The following FRMD4B variants were observed in gnomAD, a reference collection of about 807,000 sequenced individuals.
The protein encoded by FRMD4B is FERM domain-containing protein 4B.
FRMD4B carries 74 observed loss-of-function variants against 141.5 expected under a neutral mutation model. The ratio of observed to expected loss-of-function variants is 0.52; its 90% CI spans 0.43 to 0.63. FRMD4B has a LOEUF of 0.63. FRMD4B is among the 30% of genes least tolerant of loss of function. The pLI is 0.00. For missense variants in FRMD4B, 1,366 were observed against 1,253.4 expected, an observed-to-expected ratio of 1.09 and a Z score of -1.36; for synonymous variants, 506 against 467.9, an observed-to-expected ratio of 1.08 and a Z score of -1.05.
intron 1 of FRMD4B, among the ~76,000 whole-genome samples, chr3:69,497,281 G>A (rs1271639092): frequency 6.6e-6 from 1 of 152,164 alleles, no homozygotes; most frequent in East Asian, 1.9e-4. Context: ...ATATTTGGGG[G>A]TAGTTGTTAC....
chr3:69,364,187 C>T (rs1343122471), intron 1 of FRMD4B, among the ~76,000 whole-genome samples: 1 of 152,216 alleles, frequency 6.6e-6, no homozygotes, highest in Non-Finnish European at 1.5e-5. Flanking sequence ...AGTTATGTCA[C>T]GCGACTATCT....
chr3:69,233,615 C>T (rs1193287582), intron 7 of FRMD4B, among the ~76,000 whole-genome samples: 2 of 152,112 alleles, frequency 1.3e-5, no homozygotes, highest in Middle Eastern at 3.4e-3. Flanking sequence ...CCTATTTGAA[C>T]ACTCAGTAAA....
At chr3:69,403,310 T>C (rs115467242) in intron 2 of FRMD4B, among the ~76,000 whole-genome samples, 2 of 152,232 alleles carry the variant, frequency 1.3e-5, no homozygotes, top group African/African-American at 4.8e-5. Flanking sequence ...GCCATGTTAA[T>C]GTTCTCAACA....
At chr3:69,416,400 C>T (rs1704861465) in intron 2 of FRMD4B, among the ~76,000 whole-genome samples, 1 of 152,156 alleles carries the variant, frequency 6.6e-6, no homozygotes, top group African/African-American at 2.4e-5. Flanking sequence ...CTCACTTTGG[C>T]CTCCAAAGTA....
In FRMD4B at chr3:69,182,644, T is replaced by G. The variant is rs1285426178; in HGVS notation, c.1993A>C (p.Thr665Pro). The G allele has an allele frequency of 6.2e-7, 1 of 1,613,818 alleles. No individual in the cohort carries two copies. Among genetic ancestry groups the G allele is most frequent in the South Asian group, 1.1e-5 (1 of 91,064 alleles). Residue 665 changes from threonine (T) to proline (P), a missense_variant, in exon 20 of 23, where the codon ACC becomes CCC. Thr to Pro is a conservative substitution (Grantham distance 38). Coordinates refer to ENST00000398540, the MANE Select transcript of FRMD4B (RefSeq NM_015123.3). ...RRPQGGRSMPTTPVLTRNAYS... is the reference protein window; with the variant it reads ...RRPQGGRSMPPTPVLTRNAYS... ...GCGTTTCGGGTAAGAACTGGCGTGGTGGGCATGCTTCGTCCTCCCTGGGGC... is the reference window on the plus strand; with the variant it reads ...GCGTTTCGGGTAAGAACTGGCGTGGGGGGCATGCTTCGTCCTCCCTGGGGC...
intron 9 of FRMD4B, among the ~76,000 whole-genome samples, chr3:69,218,782 G>C (rs932651975): frequency 6.6e-6 from 1 of 152,142 alleles, no homozygotes; most frequent in Admixed American, 6.6e-5. Context: ...TGTGGTAGAG[G>C]TTAAATAACT....
At chr3:69,408,406 G>T (rs543097447) in intron 2 of FRMD4B, among the ~76,000 whole-genome samples, 1 of 152,194 alleles carries the variant, frequency 6.6e-6, no homozygotes, top group Non-Finnish European at 1.5e-5. Context: ...GCATCATCTT[G>T]CTAGTCTGAA....
At chr3:69,517,301 C>G (rs1239402925) in intron 1 of FRMD4B, among the ~76,000 whole-genome samples, 1 of 152,098 alleles carries the variant, frequency 6.6e-6, no homozygotes, top group Non-Finnish European at 1.5e-5. Context: ...TCCCTTCATT[C>G]CACTTTTTCC....
intron 1 of FRMD4B, among the ~76,000 whole-genome samples, chr3:69,453,228 C>G (rs1450916716): frequency 6.6e-6 from 1 of 152,202 alleles, no homozygotes; most frequent in African/African-American, 2.4e-5. Context: ...AAAGCTGTAT[C>G]TATGTACAGT....
chr3:69,182,642 G>A lies in FRMD4B; in HGVS notation c.1995C>T (p.Thr665=), dbSNP rs1485757653. 6.2e-7 allele frequency: 1 copy of A among 1,613,740 alleles called. No individual in the cohort carries two copies. Among genetic ancestry groups the A allele is most frequent in the Non-Finnish European group, 8.5e-7 (1 of 1,179,816 alleles). Residue 665 remains threonine, a synonymous_variant, in exon 20 of 23, where the codon ACC becomes ACT. Coordinates refer to ENST00000398540, the MANE Select transcript of FRMD4B (RefSeq NM_015123.3). ...AGGCGTTTCGGGTAAGAACTGGCGT[G>A]GTGGGCATGCTTCGTCCTCCCTGGG... is the stretch of plus-strand genomic sequence containing the variant. The part of the protein sequence containing the change: ...RRPQGGRSMP[T]TPVLTRNAYS...
intron 1 of FRMD4B, among the ~76,000 whole-genome samples, chr3:69,541,977 C>T (rs1020899711): frequency 6.6e-6 from 1 of 152,082 alleles, no homozygotes; most frequent in South Asian, 2.1e-4. Context: ...ACCACCAAAG[C>T]GACCAAAGCG....
chr3:69,422,875 T>C (rs1705006175), intron 2 of FRMD4B, among the ~76,000 whole-genome samples: 1 of 152,140 alleles, frequency 6.6e-6, no homozygotes, highest in African/African-American at 2.4e-5. Context: ...AGGCAGTAGC[T>C]TGCAGACCCC....
intron 1 of FRMD4B, among the ~76,000 whole-genome samples, chr3:69,515,552 C>G (rs757613062): frequency 7.9e-5 from 12 of 152,108 alleles, no homozygotes; most frequent in Non-Finnish European, 1.2e-4. Context: ...ATTTTATTTA[C>G]TTTCTTGCTC....
At chr3:69,217,042 G>A (rs973790689) in intron 10 of FRMD4B, among the ~76,000 whole-genome samples, 5 of 151,090 alleles carry the variant, frequency 3.3e-5, no homozygotes, top group Non-Finnish European at 5.9e-5. Flanking sequence ...GGTTGGGGAC[G>A]TTTCCAAAGA....
At chr3:69,379,384 T>C (rs1575777460) in intron 1 of FRMD4B, among the ~76,000 whole-genome samples, 1 of 152,144 alleles carries the variant, frequency 6.6e-6, no homozygotes, top group African/African-American at 2.4e-5. Flanking sequence ...GTTCAAGCGT[T>C]CCTCCTGCCT....
At chr3:69,195,447 A>G in intron 14 of FRMD4B, 83 bp from the exon 15 acceptor site, 1 of 1,094,340 alleles carries the variant, frequency 9.1e-7, no homozygotes, top group Non-Finnish European at 1.3e-6. Context: ...TTTAAGCTAA[A>G]GCTGCTATTA....
At chr3:69,414,647 G>A (rs1455900222) in intron 2 of FRMD4B, among the ~76,000 whole-genome samples, 5 of 152,018 alleles carry the variant, frequency 3.3e-5, no homozygotes, top group Admixed American at 6.5e-5. Flanking sequence ...TCAGGTTGAC[G>A]TAAAGCACAT....
At chr3:69,327,149 G>T (rs565477297) in intron 1 of FRMD4B, among the ~76,000 whole-genome samples, 1 of 152,044 alleles carries the variant, frequency 6.6e-6, no homozygotes. Flanking sequence ...GGAAATTTTG[G>T]CTTCAGTGAG....
intron 7 of FRMD4B, among the ~76,000 whole-genome samples, chr3:69,229,015 G>GTTTTTTTTTTTTTTTTTTTTTTTT (rs58912710): frequency 8.3e-6 from 1 of 120,984 alleles, no homozygotes. Flanking sequence ...TCAAAATCAT[G>GTTTTTTTTTTTTTTTTTTTTTTTT]TTTTTTTTTT....
Sources: gnomAD v4.1 joint callset for allele counts (sites outside exome capture counted in the v4.1 genomes callset) on GRCh38, gnomAD v4.1.1 for gene constraint, MANE v1.5 for transcripts, NCBI Gene and HGNC (gene_info 2026-07-23, HGNC 2026-07-21) for gene names.